SNPH: variants seen among roughly 807,000 people sequenced by gnomAD.
SNPH encodes syntaphilin.
Under a neutral mutation model 36.8 loss-of-function variants are expected in SNPH, and 10 were observed. The observed-to-expected ratio is 0.27, with a 90% CI of 0.17 to 0.46. The LOEUF is 0.46. Among genes scored for constraint, SNPH ranks in the 20% least tolerant of loss-of-function variants. The probability of loss-of-function intolerance (pLI) is 1.00; values close to 1 mark genes in which losing one functional copy is unlikely to be tolerated. For missense variants in SNPH, 622 were observed against 744.0 expected (o/e 0.84, Z 1.91); for synonymous variants, 281 against 312.2 (o/e 0.90, Z 1.05).
intron 2 of SNPH, among the ~76,000 whole-genome samples, chr20:1,288,402 C>T (rs2088309196): frequency 6.6e-6 from 1 of 152,020 alleles, no homozygotes; most frequent in African/African-American, 2.4e-5. Context: ...CCCAAGGTCA[C>T]CAAGATGGAC....
At position 1,276,842 on chromosome 20, in the gene SNPH, T is replaced by C. The variant is rs1171709740; in HGVS notation, c.-493+10082T>C. On this transcript the variant is annotated intron_variant, in intron 2 of 6. Transcript: ENST00000381867. This position sits in a 1 kb window ranked among gnomAD's most constrained non-coding sequence, Gnocchi z 4.6. The stretch of plus-strand genomic sequence containing the variant: ...AAACAGAACTTCAGTCAGATGGATG[T>C]TGGGCTTTGAAACCTTCAGATTCTT... Among the ~76,000 whole-genome samples the C allele has an allele frequency of 2.0e-5, 3 of 152,182 alleles. No individual in the cohort carries two copies. Among genetic ancestry groups the C allele is most frequent in the African/African-American group, 7.2e-5 (3 of 41,430 alleles).
rs2088577987 is a variant in SNPH at position 1,306,238 on chromosome 20, G to A, written c.*184G>A. On this transcript the variant is annotated 3_prime_UTR_variant, in exon 7 of 7. Coordinates refer to ENST00000381867, the MANE Select transcript of SNPH (RefSeq NM_001318234.2). ...AGGGGTTGGAGAAAGGCATCCCAAA[G>A]CTTCGATGGAGAGCAGGGAAGGGGG... The A allele has an allele frequency of 2.0e-6, 1 of 511,164 alleles. No homozygotes were observed. The highest frequency in any genetic ancestry group is 2.0e-5 in the African/African-American group (1 of 50,266). 31.7% of individuals were successfully genotyped at this position (511,164 alleles called of 1,614,324 possible).
chr20:1,281,155 T>A (rs1260115554), intron 2 of SNPH, among the ~76,000 whole-genome samples: 1 of 152,204 alleles, frequency 6.6e-6, no homozygotes, highest in African/African-American at 2.4e-5. Context: ...CTTTCCGTCA[T>A]TCCCTACAGC....
At chr20:1,281,651 A>T (rs759574452) in intron 2 of SNPH, among the ~76,000 whole-genome samples, 1 of 152,208 alleles carries the variant, frequency 6.6e-6, no homozygotes, top group African/African-American at 2.4e-5. Context: ...CTGGAGAACA[A>T]CTATGCACCT....
In SNPH at chr20:1,300,733, G is replaced by A. The variant is rs549775603; in HGVS notation, c.440+22G>A. The A allele has an allele frequency of 1.3e-5, 20 of 1,597,796 alleles. No individual in the cohort carries two copies. In the South Asian group the frequency reaches 2.1e-4, roughly 17 times the overall value. ...ACCGGTGAGCGGGTGGCCACGAGCA[G>A]CCCTGGGGGTACCCCACCAGCTCCA... On this transcript the variant is annotated intron_variant, in intron 6 of 6. Transcript: ENST00000381867.
In SNPH at chr20:1,300,699, G is replaced by A. The variant is rs200090859; in HGVS notation, c.428G>A (p.Arg143Gln). The change falls in exon 6 of 7, where the codon CGG becomes CAG. Residue 143 changes from arginine (R) to glutamine (Q), a missense_variant. By Grantham distance (43) the Arg-to-Gln change is conservative. Coordinates refer to ENST00000381867, the MANE Select transcript of SNPH (RefSeq NM_001318234.2). The part of the protein sequence containing the change: ...LKARLKDTQD[R>Q]LQDRDTEIDD... Reference sequence around the variant, plus strand: ...GCCCGGCTGAAGGACACACAGGACCGGCTCCAGGACCGGTGAGCGGGTGGC... The same window carrying A: ...GCCCGGCTGAAGGACACACAGGACCAGCTCCAGGACCGGTGAGCGGGTGGC... The A allele has an allele frequency of 1.9e-5, 30 of 1,611,368 alleles. No individual in the cohort carries two copies. The highest frequency in any genetic ancestry group is 4.0e-5 in the African/African-American group (3 of 74,868).
chr20:1,289,284 C>T (rs1029943288), intron 2 of SNPH, among the ~76,000 whole-genome samples: 3 of 152,170 alleles, frequency 2.0e-5, no homozygotes, highest in East Asian at 1.9e-4. Flanking sequence ...GAGGATTCAA[C>T]GAAGTTGTGA....
In SNPH at chr20:1,307,040, C is replaced by G. The variant is rs144200464; in HGVS notation, c.*986C>G. On this transcript the variant is annotated 3_prime_UTR_variant, in exon 7 of 7. Transcript: ENST00000381867. ...CATGACTGCCCCCAGAAACTTGCCC[C>G]GAGTTTCTCTGGGGCCCTCGGGCCC... The G allele has an allele frequency of 6.6e-6, 1 of 152,650 alleles. No individual in the cohort carries two copies. The highest frequency in any genetic ancestry group is 1.5e-5 in the Non-Finnish European group (1 of 68,108). 9.5% of individuals were successfully genotyped at this position (152,650 alleles called of 1,614,324 possible). A position where few individuals can be genotyped will look rare whatever the true frequency, so the allele number is the denominator to read the frequency against.
chr20:1,305,641 C>T lies in SNPH; in HGVS notation c.1204C>T (p.Pro402Ser). The T allele has an allele frequency of 6.2e-7, 1 of 1,613,328 alleles. No homozygotes were observed. ...CPELDAHPSG[P>S]RDPNSAVVVT... ...AGAGCTGGATGCCCACCCTTCAGGGCCCAGAGACCCCAACTCAGCAGTGGT... is the reference window on the plus strand; with the variant it reads ...AGAGCTGGATGCCCACCCTTCAGGGTCCAGAGACCCCAACTCAGCAGTGGT... The change falls in exon 7 of 7, where the codon CCC becomes TCC. Residue 402 changes from proline (P) to serine (S), a missense_variant. Around this residue, in one of 3 missense-constraint regions of SNPH, gnomAD observed 379 missense variants for 427.9 expected, o/e 0.89. Transcript: ENST00000381867.
At chr20:1,279,615 C>CTTTTTTTTTTTTTTTTTTT (rs1259483361) in intron 2 of SNPH, among the ~76,000 whole-genome samples, 2 of 111,630 alleles carry the variant, frequency 1.8e-5, no homozygotes, top group African/African-American at 6.1e-5. Context: ...GAGACTCCGG[C>CTTTTTTTTTTTTTTTTTTT]TTCTTTTTTT....
At chr20:1,279,809 T>A (rs930420737) in intron 2 of SNPH, among the ~76,000 whole-genome samples, 1 of 152,268 alleles carries the variant, frequency 6.6e-6, no homozygotes, top group African/African-American at 2.4e-5. Flanking sequence ...AGCTCTGATG[T>A]CCAGAGAGGC....
chr20:1,300,494 C>T, intron 5 of SNPH, 68 bp from the exon 6 acceptor site: 2 of 1,576,368 alleles, frequency 1.3e-6, no homozygotes, highest in South Asian at 2.2e-5. Flanking sequence ...CCTTGCTCCC[C>T]AGAGGTAAAG....
At chr20:1,278,405 T>C (rs1360430735) in intron 2 of SNPH, among the ~76,000 whole-genome samples, 1 of 152,214 alleles carries the variant, frequency 6.6e-6, no homozygotes, top group Non-Finnish European at 1.5e-5. Context: ...ATATACAAGC[T>C]TCACATATCT....
intron 2 of SNPH, among the ~76,000 whole-genome samples, chr20:1,267,086 C>G (rs2088015654): frequency 6.6e-6 from 1 of 152,088 alleles, no homozygotes; most frequent in Non-Finnish European, 1.5e-5. Context: ...TTAAGCTTCT[C>G]TTTTCCTTCT....
intron 4 of SNPH, 84 bp from the exon 5 acceptor site, chr20:1,297,061 C>A: frequency 6.7e-7 from 1 of 1,495,748 alleles, no homozygotes; most frequent in Non-Finnish European, 8.9e-7. Flanking sequence ...GCACTTTGGG[C>A]CGCAGCGGCC....
chr20:1,297,347 A>C (rs1002374225), intron 5 of SNPH, 95 bp downstream of exon 5: 3 of 1,126,184 alleles, frequency 2.7e-6, no homozygotes, highest in Non-Finnish European at 2.6e-6. Context: ...TGTTCTAACC[A>C]CCCCTGACGC....
Position 1,266,902 on chromosome 20 carries a change from C to T in SNPH, c.-493+142C>T, listed in dbSNP as rs972545558. 53 of 1,153,448 alleles carry T rather than the reference C, an allele frequency of 4.6e-5. No individual in the cohort carries two copies. The highest frequency in any genetic ancestry group is 5.8e-5 in the Non-Finnish European group (53 of 911,168). The allele number at this position is 1,153,448 out of a possible 1,614,324, so 71.5% of individuals were successfully genotyped here. On this transcript the variant is annotated intron_variant, in intron 2 of 6. Transcript: ENST00000381867. This position sits in a 1 kb window ranked among gnomAD's most constrained non-coding sequence, Gnocchi z 6.0. Reference sequence around the variant, plus strand: ...TTAATCGTGACTCATTCTTACCCTCCCTTCATTCCCCTACATCCCTTTAAG... The same window carrying T: ...TTAATCGTGACTCATTCTTACCCTCTCTTCATTCCCCTACATCCCTTTAAG...
chr20:1,306,109 C>T lies in SNPH; in HGVS notation c.*55C>T, dbSNP rs900041168. ...GCCTGACCACTGATTGTAGGGATGC[C>T]GTTCCCCCCTCCCTTCTCCCATGGG... is the stretch of plus-strand genomic sequence containing the variant. On this transcript the variant is annotated 3_prime_UTR_variant, in exon 7 of 7. Coordinates refer to ENST00000381867, the MANE Select transcript of SNPH (RefSeq NM_001318234.2). 24 of 1,302,478 alleles carry T rather than the reference C, an allele frequency of 1.8e-5. No individual in the cohort carries two copies. The highest frequency in any genetic ancestry group is 3.2e-5 in the Admixed American group (1 of 31,200). The allele number at this position is 1,302,478 out of a possible 1,614,324, so 80.7% of individuals were successfully genotyped here.
At chr20:1,302,796 G>GTTT in intron 6 of SNPH, among the ~76,000 whole-genome samples, 1 of 152,366 alleles carries the variant, frequency 6.6e-6, no homozygotes. Context: ...ATTTGTTGTG[G>GTTT]TTTTAAACTA....
Sources: allele counts gnomAD v4.1 joint callset (sites outside exome capture counted in the v4.1 genomes callset), GRCh38; gene constraint gnomAD v4.1.1; regional missense constraint gnomAD v4.1.1; non-coding constraint Gnocchi (gnomAD v3.1); transcripts MANE v1.5; gene names NCBI Gene and HGNC (gene_info 2026-07-23, HGNC 2026-07-21).